The following NCAN variants were observed in gnomAD, a reference collection of about 807,000 sequenced individuals.
NCAN encodes neurocan core protein.
NCAN carries 47 observed loss-of-function variants against 121.8 expected under a neutral mutation model. The observed-to-expected ratio is 0.39, with a 90% confidence interval of 0.31 to 0.49. NCAN has a LOEUF of 0.49. NCAN is among the 20% of genes least tolerant of loss of function. The pLI is 0.92. For missense variants in NCAN, 1,517 were observed against 1,773.4 expected, an observed-to-expected ratio of 0.86 and a Z score of 2.60; for synonymous variants, 633 against 702.0, an observed-to-expected ratio of 0.90 and a Z score of 1.55.
intron 9 of NCAN, 52 bp from the exon 10 acceptor site, chr19:19,234,931 C>A: frequency 1.6e-6 from 2 of 1,253,114 alleles, no homozygotes; most frequent in South Asian, 1.3e-5. Context: ...TGTGGGGGCT[C>A]AGAGCCAAGG....
chr19:19,240,583 C>T lies in NCAN; in HGVS notation c.3410-20C>T. 1.2e-6 allele frequency: 2 copies of T among 1,613,850 alleles called. No homozygotes were observed. The highest frequency in any genetic ancestry group is 3.3e-4 in the Middle Eastern group (2 of 6,060). Reference sequence around the variant, plus strand: ...AGAGGCATGGGTGAACACCCAGACCCACAACCCCCGACCCTGCAGGCTTTG... The same window carrying T: ...AGAGGCATGGGTGAACACCCAGACCTACAACCCCCGACCCTGCAGGCTTTG... On this transcript the variant is annotated intron_variant, in intron 11 of 14. Coordinates refer to ENST00000252575, the MANE Select transcript of NCAN (RefSeq NM_004386.3).
Position 19,219,109 on chromosome 19 carries a change from G to A in NCAN, c.268G>A (p.Asp90Asn). 6.2e-7 allele frequency: 1 copy of A among 1,613,268 alleles called. No individual in the cohort carries two copies. The highest frequency in any genetic ancestry group is 8.5e-7 in the Non-Finnish European group (1 of 1,179,516). ...GCGGACTGCGTCGGGCCAGCGACAG[G>A]ACTTGCCCATCCTGGTGGCCAAGGA... is the stretch of plus-strand genomic sequence containing the variant. Reference protein sequence around the residue: ...KVRTASGQRQDLPILVAKDNV... With the variant: ...KVRTASGQRQNLPILVAKDNV... The change falls in exon 3 of 15, where the codon GAC becomes AAC. Residue 90 changes from aspartate (D) to asparagine (N), a missense_variant. Coordinates refer to ENST00000252575, the MANE Select transcript of NCAN (RefSeq NM_004386.3).
chr19:19,220,457 T>TC (rs1426134379), intron 3 of NCAN, among the ~76,000 whole-genome samples: 2 of 129,390 alleles, frequency 1.5e-5, no homozygotes, highest in East Asian at 4.4e-4. Flanking sequence ...ATTCTTTTTT[T>TC]TTTTTTTTTT....
intron 12 of NCAN, among the ~76,000 whole-genome samples, chr19:19,241,815 AC>A (rs2060904289): frequency 1.3e-5 from 2 of 152,302 alleles, no homozygotes; most frequent in South Asian, 4.1e-4. Context: ...TCATGGATAC[AC>A]TAAAAGCCAA....
intron 6 of NCAN, among the ~76,000 whole-genome samples, chr19:19,226,017 C>T (rs984685912): frequency 1.3e-5 from 2 of 151,598 alleles, no homozygotes; most frequent in African/African-American, 2.4e-5. Context: ...GCAACCTCCA[C>T]CTCCCTTGTT....
intron 1 of NCAN, 142 bp from the exon 2 acceptor site, chr19:19,216,805 T>A: frequency 2.2e-6 from 1 of 463,064 alleles, no homozygotes; most frequent in Non-Finnish European, 3.8e-6. Context: ...GCTGGCTCCT[T>A]CTGTGACCTA....
chr19:19,248,969 C>A, intron 14 of NCAN, 87 bp downstream of exon 14: 2 of 1,426,796 alleles, frequency 1.4e-6, no homozygotes, highest in South Asian at 1.3e-5. Context: ...ACACATTGAT[C>A]TGGCTTAATG....
intron 3 of NCAN, among the ~76,000 whole-genome samples, chr19:19,222,241 C>A (rs1176887011): frequency 6.6e-6 from 1 of 152,134 alleles, no homozygotes; most frequent in East Asian, 1.9e-4. Context: ...CAAGTGAATT[C>A]CACATCTAGG....
At chr19:19,228,833 G>T (rs1280306855) in intron 8 of NCAN, among the ~76,000 whole-genome samples, 194 bp downstream of exon 8, 1 of 152,210 alleles carries the variant, frequency 6.6e-6, no homozygotes, top group South Asian at 2.1e-4. Flanking sequence ...GCAGAGGAAC[G>T]AGCACTGGCA....
At position 19,219,115 on chromosome 19, in the gene NCAN, C is replaced by A. The variant is rs2228603; in HGVS notation, c.274C>A (p.Pro92Thr). 3.1e-5 allele frequency: 50 copies of A among 1,612,914 alleles called. No homozygotes were observed. In the East Asian group the frequency reaches 3.6e-4, roughly 12 times the overall value. ...TGCGTCGGGCCAGCGACAGGACTTG[C>A]CCATCCTGGTGGCCAAGGACAATGT... ...RTASGQRQDL[P>T]ILVAKDNVVR... Residue 92 changes from proline to threonine, a missense_variant, in exon 3 of 15, where the codon CCC becomes ACC. By Grantham distance (38) the Pro-to-Thr change is conservative. Coordinates refer to ENST00000252575, the MANE Select transcript of NCAN (RefSeq NM_004386.3).
chr19:19,215,098 G>A (rs935297077), intron 1 of NCAN, among the ~76,000 whole-genome samples: 10 of 152,116 alleles, frequency 6.6e-5, no homozygotes, highest in African/African-American at 2.4e-4. Context: ...GGACTAGGTG[G>A]GCTTTGCCGC....
chr19:19,229,142 A>G (rs1206856343), intron 8 of NCAN, among the ~76,000 whole-genome samples: 2 of 152,216 alleles, frequency 1.3e-5, no homozygotes, highest in Non-Finnish European at 2.9e-5. Context: ...CGGGAGGCGG[A>G]GGTTGCAGTG....
At chr19:19,230,924 T>TGG (rs1285064573) in intron 8 of NCAN, among the ~76,000 whole-genome samples, 6 of 148,764 alleles carry the variant, frequency 4.0e-5, no homozygotes, top group Non-Finnish European at 8.9e-5. Context: ...TGTGTGTGTG[T>TGG]GTGTAGAGAT....
Position 19,250,472 on chromosome 19 carries a change from C to T in NCAN, c.*561C>T, listed in dbSNP as rs1337508318. 3.2e-6 allele frequency: 1 copy of T among 310,022 alleles called. No individual in the cohort carries two copies. Among genetic ancestry groups the T allele is most frequent in the Non-Finnish European group, 6.1e-6 (1 of 163,016 alleles). 19.2% of individuals were successfully genotyped at this position (310,022 alleles called of 1,614,324 possible). On this transcript the variant is annotated 3_prime_UTR_variant, in exon 15 of 15. Coordinates refer to ENST00000252575, the MANE Select transcript of NCAN (RefSeq NM_004386.3). ...TCCGTCTTTGGTCTTGGTGGATAAACACACAGTGTGGAGATCCCACGTACT... is the reference window on the plus strand; with the variant it reads ...TCCGTCTTTGGTCTTGGTGGATAAATACACAGTGTGGAGATCCCACGTACT...
At chr19:19,218,373 G>T (rs1269168604) in intron 2 of NCAN, among the ~76,000 whole-genome samples, 1 of 152,148 alleles carries the variant, frequency 6.6e-6, no homozygotes, top group African/African-American at 2.4e-5. Flanking sequence ...TGAGGTGGGA[G>T]GATTGCTTGA....
chr19:19,217,096 C>T, intron 2 of NCAN, 70 bp downstream of exon 2: 2 of 1,119,980 alleles, frequency 1.8e-6, no homozygotes, highest in African/African-American at 1.6e-5. Flanking sequence ...CTTTTGAATT[C>T]CAGAGCCTTC....
In NCAN at chr19:19,226,637, G is replaced by A. The variant is rs963161135; in HGVS notation, c.1224G>A (p.Leu408=). 1 of 1,613,792 alleles carries A rather than the reference G, an allele frequency of 6.2e-7. No individual in the cohort carries two copies. The highest frequency in any genetic ancestry group is 8.5e-7 in the Non-Finnish European group (1 of 1,179,996). Residue 408 remains leucine, a synonymous_variant, in exon 7 of 15, where the codon CTG becomes CTA. Coordinates refer to ENST00000252575, the MANE Select transcript of NCAN (RefSeq NM_004386.3). ...EVVTPDFQEP[L]VSSGEEETLI... is the part of the protein sequence containing the mutation. The stretch of plus-strand genomic sequence containing the variant: ...TCACCCCTGACTTCCAGGAGCCTCT[G>A]GTGTCCAGTGGGGAAGAAGAAACCC...
At chr19:19,226,384 A>T in intron 6 of NCAN, 102 bp from the exon 7 acceptor site, 4 of 947,070 alleles carry the variant, frequency 4.2e-6, no homozygotes. Context: ...AGAGGTACAC[A>T]GAAGGCTTAT....
Position 19,216,903 on chromosome 19 carries a change from T to G in NCAN, c.-7-44T>G, listed in dbSNP as rs757992464. ...CTGCAATGCTGAATATCTGGGAGGG[T>G]TGGGCTGTGGCTCACCCCTCCCTCC... On this transcript the variant is annotated intron_variant, in intron 1 of 14. Transcript: ENST00000252575. The G allele has an allele frequency of 2.6e-6, 3 of 1,168,950 alleles. No individual in the cohort carries two copies. In the African/African-American group the frequency reaches 4.7e-5, roughly 18 times the overall value. The allele number at this position is 1,168,950 out of a possible 1,614,324, so 72.4% of individuals were successfully genotyped here.
Sources: gnomAD v4.1 joint callset for allele counts (sites outside exome capture counted in the v4.1 genomes callset) on GRCh38, gnomAD v4.1.1 for gene constraint, MANE v1.5 for transcripts, NCBI Gene and HGNC (gene_info 2026-07-23, HGNC 2026-07-21) for gene names.